The following GSDME variants were observed in gnomAD, a reference collection of about 807,000 sequenced individuals.
GSDME encodes the protein gasdermin E.
A neutral mutation model predicts 47.5 loss-of-function variants in GSDME; 44 were observed. The observed-to-expected ratio is 0.93, with a 90% CI of 0.73 to 1.19. The LOEUF (loss-of-function observed/expected upper bound fraction) is 1.19, where lower values mean the gene tolerates loss of function less well. Ranked by LOEUF, GSDME falls within the 50% of genes most tolerant of loss-of-function variation. The probability of loss-of-function intolerance (pLI) is 0.00; values close to 1 mark genes in which losing one functional copy is unlikely to be tolerated. For synonymous variants in GSDME, 258 were observed against 252.8 expected (o/e 1.02, Z -0.20); for missense variants, 663 against 604.2 (o/e 1.10, Z -1.02).
At chr7:24,753,394 C>T (rs1185161135) in intron 1 of GSDME, among the ~76,000 whole-genome samples, 9 of 152,138 alleles carry the variant, frequency 5.9e-5, no homozygotes, top group Admixed American at 3.3e-4. Context: ...TGTATCATTG[C>T]GCATTTTACT....
intron 8 of GSDME, chr7:24,703,107 C>T (rs1403881423): frequency 7.8e-6 from 3 of 382,502 alleles, no homozygotes; most frequent in African/African-American, 6.3e-5. Context: ...TGCCCAGACT[C>T]TGGGGGAAGG....
chr7:24,789,776 TGA>T, the GSDME span, among the ~76,000 whole-genome samples: 1 of 152,214 alleles, frequency 6.6e-6, no homozygotes, highest in East Asian at 1.9e-4. Flanking sequence ...CACTGAATAG[TGA>T]GAGTTCTCAC....
intron 2 of GSDME, among the ~76,000 whole-genome samples, chr7:24,747,752 C>G (rs1014365071): frequency 6.6e-6 from 1 of 152,104 alleles, no homozygotes. Context: ...ACTTCAGCCT[C>G]AACCCCCTGG....
intron 1 of GSDME, among the ~76,000 whole-genome samples, chr7:24,753,755 G>A (rs988932038): frequency 2.0e-5 from 3 of 152,154 alleles, no homozygotes; most frequent in African/African-American, 7.2e-5. Context: ...TTTGTTGAAA[G>A]ACTTTCTGTA....
At chr7:24,707,342 G>GC (rs1324673177) in intron 7 of GSDME, 1 of 471,342 alleles carries the variant, frequency 2.1e-6, no homozygotes, top group East Asian at 6.9e-5. Flanking sequence ...AATCTGGGTG[G>GC]CTGGAGGGTT....
In GSDME at chr7:24,735,998, C is replaced by T. The variant is rs1335964241; in HGVS notation, c.404+8564G>A. Among the ~76,000 whole-genome samples the T allele has an allele frequency of 6.6e-6, 1 of 151,820 alleles. No individual in the cohort carries two copies. Among genetic ancestry groups the T allele is most frequent in the African/African-American group, 2.4e-5 (1 of 41,338 alleles). On this transcript the variant is annotated intron_variant, in intron 3 of 9. Coordinates refer to ENST00000645220, the MANE Select transcript of GSDME (RefSeq NM_001127453.2). This position sits in a 1 kb window ranked among gnomAD's most constrained non-coding sequence, Gnocchi z 4.4. ...CAATAATGGGATGGTATTTGCAAGC[C>T]TCATGGTAACCTCAAATAAAAAACT...
chr7:24,771,225 C>T, the GSDME span, among the ~76,000 whole-genome samples: 10 of 152,068 alleles, frequency 6.6e-5, no homozygotes, highest in Non-Finnish European at 1.3e-4. This position sits in a 1 kb window ranked among gnomAD's most constrained non-coding sequence, Gnocchi z 4.1. Context: ...TTACATGGGG[C>T]AACTTTTGGA....
chr7:24,713,913 G>A (rs910693695), intron 5 of GSDME, among the ~76,000 whole-genome samples: 2 of 152,104 alleles, frequency 1.3e-5, no homozygotes, highest in African/African-American at 2.4e-5. Context: ...CTATGATCCC[G>A]CCACTGCACT....
At position 24,736,449 on chromosome 7, in the gene GSDME, G is replaced by A. The variant is rs899919243; in HGVS notation, c.404+8113C>T. 3.9e-5 allele frequency among the ~76,000 whole-genome samples: 6 copies of A among 152,160 alleles called. No individual in the cohort carries two copies. Among genetic ancestry groups the A allele is most frequent in the African/African-American group, 1.4e-4 (6 of 41,454 alleles). On this transcript the variant is annotated intron_variant, in intron 3 of 9. Coordinates refer to ENST00000645220, the MANE Select transcript of GSDME (RefSeq NM_001127453.2). The surrounding 1 kb of genome is among the most constrained non-coding windows in gnomAD (Gnocchi z 4.6). ...AAGAAGGTTACTATATAATGATAAA[G>A]GGGTCAATTCAGCAAGAGGATATAA...
At position 24,699,094 on chromosome 7, in the gene GSDME, T is replaced by C. The variant is rs1378839087; in HGVS notation, c.1423A>G (p.Lys475Glu). 1.9e-6 allele frequency: 3 copies of C among 1,614,164 alleles called. No homozygotes were observed. The highest frequency in any genetic ancestry group is 2.5e-6 in the Non-Finnish European group (3 of 1,180,010). Residue 475 changes from lysine to glutamate, a missense_variant, in exon 10 of 10, where the codon AAA (lysine) becomes GAA (glutamate). Lys to Glu is a moderately conservative substitution (Grantham distance 56). Transcript: ENST00000645220. ...ATACAAAGAAGCAGTGGGAAGACTT[T>C]AGAGTCCTTCAGAATGACAGCTTTC... ...SVKAVILKDS[K>E]VFPLLLCITL... is the part of the protein sequence containing the mutation.
chr7:24,774,343 C>CCTT, the GSDME span, among the ~76,000 whole-genome samples: 1 of 133,746 alleles, frequency 7.5e-6, no homozygotes, highest in Non-Finnish European at 1.6e-5. Flanking sequence ...CTCCCTTCCT[C>CCTT]CCTCCCTTCC....
intron 1 of GSDME, among the ~76,000 whole-genome samples, chr7:24,752,991 TG>T (rs961313602): frequency 1.4e-4 from 20 of 147,546 alleles, no homozygotes; most frequent in Middle Eastern, 3.6e-3. Flanking sequence ...TAATTTTTCA[TG>T]TTTTTTTTTT....
In GSDME at chr7:24,712,970, A is replaced by G. The variant is rs1343507895; in HGVS notation, c.698-2582T>C. ...GAGGCGGAGGTTGTGGTGAGCCAAG[A>G]TCGCACCATTGTACTCCAGCCTGGG... On this transcript the variant is annotated intron_variant, in intron 5 of 9. Transcript: ENST00000645220. The surrounding 1 kb of genome is among the most constrained non-coding windows in gnomAD (Gnocchi z 4.4). Among the ~76,000 whole-genome samples, 1 of 151,434 alleles carries G rather than the reference A, an allele frequency of 6.6e-6. No homozygotes were observed. Among genetic ancestry groups the G allele is most frequent in the African/African-American group, 2.4e-5 (1 of 41,144 alleles).
chr7:24,749,267 C>G (rs989725227), intron 2 of GSDME, among the ~76,000 whole-genome samples: 1 of 152,104 alleles, frequency 6.6e-6, no homozygotes, highest in Non-Finnish European at 1.5e-5. Context: ...TTTGGGAGAC[C>G]GAGGTGGGTG....
Position 24,745,436 on chromosome 7 carries a change from A to G in GSDME, c.212-682T>C, listed in dbSNP as rs1182890843. Among the ~76,000 whole-genome samples the G allele has an allele frequency of 6.6e-6, 1 of 152,086 alleles. No homozygotes were observed. Among genetic ancestry groups the G allele is most frequent in the Non-Finnish European group, 1.5e-5 (1 of 68,008 alleles). Reference sequence around the variant, plus strand: ...TCCCATATTTATGATTCTCTCTCTGACCTCTACCCAGTCATTCAATTCCTC... The same window carrying G: ...TCCCATATTTATGATTCTCTCTCTGGCCTCTACCCAGTCATTCAATTCCTC... On this transcript the variant is annotated intron_variant, in intron 2 of 9. Transcript: ENST00000645220. This position sits in a 1 kb window ranked among gnomAD's most constrained non-coding sequence, Gnocchi z 4.4.
rs759637317 is a variant in GSDME at position 24,749,813 on chromosome 7, CTAAAATCAAA to C, written c.-19-30_-19-21del. The C allele has an allele frequency of 1.3e-6, 2 of 1,529,780 alleles. No homozygotes were observed. Among genetic ancestry groups the C allele is most frequent in the Middle Eastern group, 4.0e-4 (2 of 4,950 alleles). The allele number at this position is 1,529,780 out of a possible 1,614,324, so 94.8% of individuals were successfully genotyped here. On this transcript the variant is annotated intron_variant, in intron 1 of 9. Transcript: ENST00000645220. ...GATTATCTGAAAAAGTAAAGTTATC[CTAAAATCAAA>C]TAAGAAGTTACTATTTTGTGGCTTT...
intron 9 of GSDME, 98 bp downstream of exon 9, chr7:24,702,662 G>GT (rs1484555455): frequency 9.5e-6 from 9 of 944,460 alleles, no homozygotes; most frequent in African/African-American, 1.6e-5. Flanking sequence ...AGCTGTTGTG[G>GT]TAAGTCCTAG....
Position 24,742,252 on chromosome 7 carries a change from G to A in GSDME, c.404+2310C>T, listed in dbSNP as rs79824373. Among the ~76,000 whole-genome samples, 2,621 of 152,278 alleles carry A rather than the reference G, an allele frequency of 0.017. 29 individuals are homozygous for A. The highest frequency in any genetic ancestry group is 0.027 in the Non-Finnish European group (1,806 of 68,020). On this transcript the variant is annotated intron_variant, in intron 3 of 9. Coordinates refer to ENST00000645220, the MANE Select transcript of GSDME (RefSeq NM_001127453.2). The surrounding 1 kb of genome is among the most constrained non-coding windows in gnomAD (Gnocchi z 4.4). ...CATTTTAAGACTTTTACATGATTTA[G>A]AGGAAAGAACAGGAGCTTTGGAGCC... is the stretch of plus-strand genomic sequence containing the variant.
chr7:24,773,602 C>A, the GSDME span, among the ~76,000 whole-genome samples: 1 of 152,188 alleles, frequency 6.6e-6, no homozygotes, highest in Non-Finnish European at 1.5e-5. The surrounding 1 kb of genome is among the most constrained non-coding windows in gnomAD (Gnocchi z 5.4). Flanking sequence ...AATTAAGAGT[C>A]ACAGTCATGT....
Sources: gnomAD v4.1 joint callset for allele counts (sites outside exome capture counted in the v4.1 genomes callset) on GRCh38, gnomAD v4.1.1 for gene constraint, Gnocchi (gnomAD v3.1) non-coding constraint, MANE v1.5 for transcripts, NCBI Gene and HGNC (gene_info 2026-07-23, HGNC 2026-07-21) for gene names.